NDST3: variants seen among roughly 807,000 people sequenced by gnomAD.
NDST3 encodes the protein N-deacetylase and N-sulfotransferase 3, also known as bifunctional heparan sulfate N-deacetylase/N-sulfotransferase 3.
In NDST3, 58 loss-of-function variants were observed where a neutral mutation model predicts 96.1. The observed-to-expected ratio is 0.60, with a 90% CI of 0.49 to 0.75. The LOEUF is 0.75. Ranked by LOEUF, NDST3 falls within the 30% of genes least tolerant of loss-of-function variation. NDST3 has a pLI of 0.00. For synonymous variants in NDST3, 333 were observed against 359.7 expected, an observed-to-expected ratio of 0.93 and a Z score of 0.84; for missense variants, 788 against 1,034.2, an observed-to-expected ratio of 0.76 and a Z score of 3.27.
Position 118,257,167 on chromosome 4 carries a change from C to T in NDST3, c.*1455C>T, listed in dbSNP as rs1742170163. The T allele has an allele frequency of 6.6e-6, 1 of 151,792 alleles. No individual in the cohort carries two copies. The highest frequency in any genetic ancestry group is 1.5e-5 in the Non-Finnish European group (1 of 67,964). 9.4% of individuals were successfully genotyped at this position (151,792 alleles called of 1,614,324 possible). Reference sequence around the variant, plus strand: ...TTTTTTTTTGAGAGGGGGACAGAGTCTCACTATGTCACCCAGGCTGGAGTG... The same window carrying T: ...TTTTTTTTTGAGAGGGGGACAGAGTTTCACTATGTCACCCAGGCTGGAGTG... On this transcript the variant is annotated 3_prime_UTR_variant, in exon 14 of 14. Transcript: ENST00000296499.
intron 2 of NDST3, among the ~76,000 whole-genome samples, chr4:118,074,544 T>C (rs1727342386): frequency 6.6e-6 from 1 of 152,210 alleles, no homozygotes. Flanking sequence ...GGCTGTTTTG[T>C]CTGAAAGAAG....
intron 4 of NDST3, 61 bp downstream of exon 4, chr4:118,115,021 C>A: frequency 1.3e-6 from 2 of 1,543,278 alleles, no homozygotes; most frequent in Non-Finnish European, 8.9e-7. Flanking sequence ...TGAAAAGATT[C>A]TTACATTGTG....
At chr4:118,090,126 C>T (rs1327019373) in intron 2 of NDST3, among the ~76,000 whole-genome samples, 1 of 151,938 alleles carries the variant, frequency 6.6e-6, no homozygotes, top group African/African-American at 2.4e-5. Context: ...TAAAGCATTC[C>T]TTACATCCCC....
At chr4:118,036,213 G>C (rs1560601314) in intron 1 of NDST3, among the ~76,000 whole-genome samples, 1 of 151,634 alleles carries the variant, frequency 6.6e-6, no homozygotes, top group African/African-American at 2.4e-5. Context: ...TTTTAATCTT[G>C]GGACTCTGAT....
At chr4:118,227,410 T>C (rs947105166) in intron 8 of NDST3, among the ~76,000 whole-genome samples, 1 of 152,118 alleles carries the variant, frequency 6.6e-6, no homozygotes, top group African/African-American at 2.4e-5. Flanking sequence ...TTCCTAATAT[T>C]GTTTATTTGT....
chr4:118,177,851 T>C (rs1736369354), intron 6 of NDST3, among the ~76,000 whole-genome samples: 3 of 151,796 alleles, frequency 2.0e-5, no homozygotes, highest in African/African-American at 7.3e-5. Flanking sequence ...CATGATTCGG[T>C]TAGGTGAAGG....
intron 2 of NDST3, among the ~76,000 whole-genome samples, chr4:118,065,532 T>C (rs1726242394): frequency 6.6e-6 from 1 of 152,132 alleles, no homozygotes; most frequent in Non-Finnish European, 1.5e-5. Flanking sequence ...TCTAATATCA[T>C]GTTTCTAGAA....
chr4:118,073,428 A>G (rs1274887908), intron 2 of NDST3, among the ~76,000 whole-genome samples: 1 of 151,894 alleles, frequency 6.6e-6, no homozygotes, highest in African/African-American at 2.4e-5. Context: ...CGGGGTTTCA[A>G]TTTCTTCCTG....
At chr4:118,132,928 T>A (rs1227862947) in intron 4 of NDST3, among the ~76,000 whole-genome samples, 2 of 152,118 alleles carry the variant, frequency 1.3e-5, no homozygotes, top group Admixed American at 1.3e-4. Context: ...TGAGCCGGTA[T>A]CCAAGATGCA....
At chr4:118,229,162 G>T (rs370107048) in intron 8 of NDST3, among the ~76,000 whole-genome samples, 373 of 152,254 alleles carry the variant, frequency 2.4e-3, no homozygotes, top group Non-Finnish European at 3.9e-3. Context: ...CTAGCCAGGC[G>T]TGGTGGCGTG....
chr4:118,115,711 G>A (rs1411532907), intron 4 of NDST3, among the ~76,000 whole-genome samples: 3 of 152,132 alleles, frequency 2.0e-5, no homozygotes, highest in South Asian at 2.1e-4. Flanking sequence ...AGAGAGTACC[G>A]AGGTACACTT....
chr4:118,046,499 C>T (rs1724768719), intron 1 of NDST3, among the ~76,000 whole-genome samples: 1 of 152,218 alleles, frequency 6.6e-6, no homozygotes, highest in Non-Finnish European at 1.5e-5. Context: ...GTTCTGCAGG[C>T]CTTCCAGCCT....
intron 3 of NDST3, among the ~76,000 whole-genome samples, chr4:118,111,229 G>C (rs1354514069): frequency 1.3e-5 from 2 of 152,134 alleles, no homozygotes; most frequent in African/African-American, 2.4e-5. Flanking sequence ...CTCACTATCT[G>C]AGTGATAGGA....
At chr4:118,183,893 G>A (rs564383688) in intron 6 of NDST3, among the ~76,000 whole-genome samples, 3 of 152,188 alleles carry the variant, frequency 2.0e-5, no homozygotes, top group Non-Finnish European at 4.4e-5. Flanking sequence ...AGGGCACCTT[G>A]ACTAAGTTTG....
rs541328753 is a variant in NDST3, at chr4:118,210,789, A to G, written c.1540-13702A>G. On this transcript the variant is annotated intron_variant, in intron 6 of 13. Coordinates refer to ENST00000296499, the MANE Select transcript of NDST3 (RefSeq NM_004784.3). ...GACTCCATCTCAAAAAAAAAAAAAA[A>G]AAAAGCGGGGGGACCCTGCTCAAGA... 1.6e-4 allele frequency among the ~76,000 whole-genome samples: 24 copies of G among 151,796 alleles called. No individual in the cohort carries two copies. In the East Asian group the frequency reaches 4.5e-3, roughly 28 times the overall value.
At chr4:118,036,309 A>G (rs1373135221) in intron 1 of NDST3, among the ~76,000 whole-genome samples, 4 of 152,186 alleles carry the variant, frequency 2.6e-5, no homozygotes, top group African/African-American at 9.7e-5. Flanking sequence ...GATGCAAAAT[A>G]TATTTTTTTA....
chr4:118,098,096 G>A (rs1239977187), intron 2 of NDST3, among the ~76,000 whole-genome samples: 1 of 151,592 alleles, frequency 6.6e-6, no homozygotes, highest in Non-Finnish European at 1.5e-5. Context: ...GAACAGATGC[G>A]CTACTTAAGG....
intron 6 of NDST3, among the ~76,000 whole-genome samples, chr4:118,163,862 G>T (rs1735367402): frequency 6.6e-6 from 1 of 152,096 alleles, no homozygotes; most frequent in Non-Finnish European, 1.5e-5. Flanking sequence ...TGCTGGTGAG[G>T]TTGCAGAGAA....
At chr4:118,157,416 A>T (rs932940969) in intron 6 of NDST3, among the ~76,000 whole-genome samples, 3 of 131,662 alleles carry the variant, frequency 2.3e-5, no homozygotes, top group Non-Finnish European at 4.8e-5. Flanking sequence ...TTTTTTACAC[A>T]GTTTTGTTTT....
Sources: gnomAD v4.1 joint callset for allele counts (sites outside exome capture counted in the v4.1 genomes callset) on GRCh38, gnomAD v4.1.1 for gene constraint, MANE v1.5 for transcripts, NCBI Gene and HGNC (gene_info 2026-07-23, HGNC 2026-07-21) for gene names.